Variants in RPS9 observed in about 807,000 individuals in gnomAD.
RPS9 encodes the protein small ribosomal subunit protein uS4.
A neutral mutation model predicts 16.9 loss-of-function variants in RPS9; 1 was observed. The observed-to-expected ratio is 0.06, with a 90% CI of 0.02 to 0.28. RPS9 has a LOEUF of 0.28. Among genes scored for constraint, RPS9 ranks in the 10% least tolerant of loss-of-function variants. The probability of loss-of-function intolerance (pLI) is 1.00; values close to 1 mark genes in which losing one functional copy is unlikely to be tolerated. For missense variants in RPS9, 137 were observed against 273.2 expected (o/e 0.50, Z 3.51); for synonymous variants, 106 against 110.9 (o/e 0.96, Z 0.28).
chr19:54,203,233 C>G, intron 3 of RPS9: 1 of 980,922 alleles, frequency 1.0e-6, no homozygotes, highest in South Asian at 4.7e-5. Context: ...TGTGGTTTTC[C>G]AAGGCAGAAG....
chr19:54,207,161 TTC>T, intron 4 of RPS9: 1 of 542,276 alleles, frequency 1.8e-6, no homozygotes, highest in Non-Finnish European at 3.2e-6. Context: ...GTGGGATACT[TTC>T]GGATTTCTCC....
chr19:54,204,785 A>T (rs1386974744), intron 3 of RPS9, among the ~76,000 whole-genome samples: 2 of 152,024 alleles, frequency 1.3e-5, no homozygotes, highest in African/African-American at 4.8e-5. Flanking sequence ...ATGGTCCCAA[A>T]CTCATTTTCA....
At chr19:54,201,642 G>T (rs1363627754) in intron 3 of RPS9, 33 bp downstream of exon 3, 2 of 1,613,028 alleles carry the variant, frequency 1.2e-6, no homozygotes, top group South Asian at 2.2e-5. Flanking sequence ...GAGGGATGGG[G>T]TGCAGGGCTT....
In RPS9 at chr19:54,201,109, C is replaced by T. The variant is rs994775579; in HGVS notation, c.-25-51C>T. On this transcript the variant is annotated intron_variant, in intron 1 of 4. Coordinates refer to ENST00000302907, the MANE Select transcript of RPS9 (RefSeq NM_001013.4). The stretch of plus-strand genomic sequence containing the variant: ...GCGAGGTTTTGGCGTAGTTGTGGGA[C>T]TGCGCAGGCGCCGTTTGGATCCCTT... 5.6e-6 allele frequency: 9 copies of T among 1,606,480 alleles called. No individual in the cohort carries two copies. In the East Asian group the frequency reaches 8.9e-5, roughly 16 times the overall value.
chr19:54,201,733 C>T lies in RPS9; in HGVS notation c.220+124C>T, dbSNP rs377317403. ...TGGATAAATGGAACCAGCCTTCTAA[C>T]TTTTAGTGGCACTTGTGGAGTAGGA... On this transcript the variant is annotated intron_variant, in intron 3 of 4. Coordinates refer to ENST00000302907, the MANE Select transcript of RPS9 (RefSeq NM_001013.4). 7 of 1,486,024 alleles carry T rather than the reference C, an allele frequency of 4.7e-6. No individual in the cohort carries two copies. The Admixed American group carries it at 1.2e-4, about 25-fold the overall frequency. The allele number at this position is 1,486,024 out of a possible 1,614,324, so 92.1% of individuals were successfully genotyped here.
intron 4 of RPS9, chr19:54,206,811 G>A: frequency 1.6e-6 from 2 of 1,217,132 alleles, no homozygotes; most frequent in Admixed American, 2.9e-5. Context: ...TGGCCCGCTT[G>A]TGAAGTTGAT....
intron 4 of RPS9, 25 bp downstream of exon 4, chr19:54,206,487 A>G (rs371512122): frequency 1.1e-5 from 17 of 1,613,310 alleles, no homozygotes; most frequent in Admixed American, 1.7e-5. Context: ...GGGCACCTGA[A>G]TCTTCCTCCA....
rs35997366 is a variant in RPS9, at chr19:54,201,941, A to G, written c.220+332A>G. 1.3e-3 allele frequency: 410 copies of G among 308,070 alleles called. 1 individual carries two copies. The highest frequency in any genetic ancestry group is 4.9e-3 in the Admixed American group (107 of 22,016). 19.1% of individuals were successfully genotyped at this position (308,070 alleles called of 1,614,324 possible). ...GCTAGTGGATGAGAGTAGACTATGAAGTGGAATTTCTGGGCTAAGTGATGG... is the reference window on the plus strand; with the variant it reads ...GCTAGTGGATGAGAGTAGACTATGAGGTGGAATTTCTGGGCTAAGTGATGG... On this transcript the variant is annotated intron_variant, in intron 3 of 4. Transcript: ENST00000302907.
At chr19:54,204,093 T>C (rs1204143935) in intron 3 of RPS9, among the ~76,000 whole-genome samples, 1 of 151,954 alleles carries the variant, frequency 6.6e-6, no homozygotes, top group Non-Finnish European at 1.5e-5. Flanking sequence ...GTTCAATAAA[T>C]GTGGGCCTGA....
chr19:54,201,036 A>G (rs1188794654), intron 1 of RPS9, 124 bp from the exon 2 acceptor site: 2 of 1,476,298 alleles, frequency 1.4e-6, no homozygotes, highest in South Asian at 1.4e-5. Flanking sequence ...GCAGATACTG[A>G]CTATGAGAGC....
intron 3 of RPS9, chr19:54,203,224 G>T: frequency 1.0e-6 from 1 of 966,092 alleles, no homozygotes; most frequent in Non-Finnish European, 1.2e-6. Context: ...AGGGTTATTT[G>T]TGGTTTTCCA....
chr19:54,201,297 T>G lies in RPS9; in HGVS notation c.97+16T>G, dbSNP rs1177725059. On this transcript the variant is annotated intron_variant, in intron 2 of 4. Coordinates refer to ENST00000302907, the MANE Select transcript of RPS9 (RefSeq NM_001013.4). ...AAGCTGATCGGTGAGTGGCCAAGGC[T>G]TCCGGGAAGTGGTTCGGCTTCCGGG... 1.9e-6 allele frequency: 3 copies of G among 1,613,934 alleles called. No homozygotes were observed. Among genetic ancestry groups the G allele is most frequent in the Non-Finnish European group, 1.7e-6 (2 of 1,179,918 alleles).
intron 3 of RPS9, chr19:54,202,823 C>A: frequency 1.0e-6 from 1 of 985,402 alleles, no homozygotes; most frequent in Non-Finnish European, 1.2e-6. Context: ...GCATGTTTAG[C>A]TACAGATTAT....
rs563547434 is a variant in RPS9, at chr19:54,206,204, C to T, written c.221-72C>T. 71 of 1,485,378 alleles carry T rather than the reference C, an allele frequency of 4.8e-5. No individual in the cohort carries two copies. The Admixed American group carries it at 7.4e-4, about 16-fold the overall frequency. The allele number at this position is 1,485,378 out of a possible 1,614,324, so 92.0% of individuals were successfully genotyped here. ...GCCGCGGCATGGAGCTACCAAGAGG[C>T]GGAGCCAGGATTTGAACCCAAGAAG... On this transcript the variant is annotated intron_variant, in intron 3 of 4. Coordinates refer to ENST00000302907, the MANE Select transcript of RPS9 (RefSeq NM_001013.4).
At chr19:54,201,134 T>G (rs978405032) in intron 1 of RPS9, 26 bp from the exon 2 acceptor site, 2 of 1,611,964 alleles carry the variant, frequency 1.2e-6, no homozygotes, top group Non-Finnish European at 1.7e-6. Context: ...TTGGATCCCT[T>G]ACGCTCACAC....
Position 54,201,223 on chromosome 19 carries a change from T to C in RPS9, c.39T>C (p.Tyr13=), listed in dbSNP as rs150231727. ...VARSWVCRKT[Y]VTPRRPFEKS... Reference sequence around the variant, plus strand: ...GGAGCTGGGTTTGTCGCAAAACTTATGTGACCCCGCGGAGACCCTTCGAGA... The same window carrying C: ...GGAGCTGGGTTTGTCGCAAAACTTACGTGACCCCGCGGAGACCCTTCGAGA... The change falls in exon 2 of 5, where the codon TAT becomes TAC. Residue 13 remains tyrosine (Y), a synonymous_variant. Transcript: ENST00000302907. The C allele has an allele frequency of 5.6e-5, 91 of 1,611,542 alleles. No individual in the cohort carries two copies. Among genetic ancestry groups the C allele is most frequent in the African/African-American group, 1.2e-4 (9 of 74,858 alleles).
intron 3 of RPS9, chr19:54,202,567 C>T: frequency 1.0e-6 from 1 of 983,142 alleles, no homozygotes; most frequent in Non-Finnish European, 1.2e-6. Context: ...TGGTGAAATA[C>T]ACATTAAATT....
At chr19:54,207,223 T>C in intron 4 of RPS9, 175 bp from the exon 5 acceptor site, 1 of 572,634 alleles carries the variant, frequency 1.7e-6, no homozygotes, top group Non-Finnish European at 3.1e-6. Flanking sequence ...GGGATTAAGG[T>C]GATACCCTAA....
intron 3 of RPS9, chr19:54,202,807 C>T (rs1315427909): frequency 1.0e-6 from 1 of 985,370 alleles, no homozygotes; most frequent in East Asian, 1.1e-4. Context: ...TTGAGAAAGT[C>T]CTGGCGCATG....
Sources: allele counts gnomAD v4.1 joint callset (sites outside exome capture counted in the v4.1 genomes callset), GRCh38; gene constraint gnomAD v4.1.1; transcripts MANE v1.5; gene names NCBI Gene and HGNC (gene_info 2026-07-23, HGNC 2026-07-21).